KCNC2: variants seen among roughly 807,000 people sequenced by gnomAD.
The protein encoded by KCNC2 is voltage-gated potassium channel KCNC2.
Under a neutral mutation model 44.5 loss-of-function variants are expected in KCNC2, and 21 were observed. The observed-to-expected ratio is 0.47, with a 90% CI of 0.33 to 0.68. The LOEUF is 0.68. Among genes scored for constraint, KCNC2 ranks in the 30% least tolerant of loss-of-function variants. KCNC2 has a pLI of 0.01. For synonymous variants in KCNC2, 391 were observed against 339.1 expected, an observed-to-expected ratio of 1.15 and a Z score of -1.68; for missense variants, 589 against 826.2, an observed-to-expected ratio of 0.71 and a Z score of 3.52.
chr12:75,200,130 G>A (rs1242012218), intron 2 of KCNC2, among the ~76,000 whole-genome samples: 2 of 151,750 alleles, frequency 1.3e-5, no homozygotes, highest in Non-Finnish European at 3.0e-5. Context: ...GACATGGAAG[G>A]GATCAGAGCC....
In KCNC2 at chr12:75,207,998, C is replaced by A. The variant is rs750235705; in HGVS notation, c.-15G>T. 1 of 1,611,694 alleles carries A rather than the reference C, an allele frequency of 6.2e-7. No homozygotes were observed. Among genetic ancestry groups the A allele is most frequent in the Non-Finnish European group, 8.5e-7 (1 of 1,179,586 alleles). On this transcript the variant is annotated 5_prime_UTR_variant, in exon 2 of 5. An upstream start codon of the reference 5' UTR is lost. Transcript: ENST00000549446. The surrounding 1 kb of genome is among the most constrained non-coding windows in gnomAD (Gnocchi z 4.1). ...ATCTTGCCCATCTCTGTGACTCAGA[C>A]ATGACTAGGGGGAGGCAAACACAGC...
At chr12:75,076,427 C>T (rs1225468381) in intron 2 of KCNC2, among the ~76,000 whole-genome samples, 1 of 152,138 alleles carries the variant, frequency 6.6e-6, no homozygotes, top group Admixed American at 6.5e-5. Context: ...CGCCCGCTAC[C>T]ACGCCCGGCT....
In KCNC2 at chr12:75,048,283, C is replaced by A. The variant is rs200919813; in HGVS notation, c.1650G>T (p.Pro550=). The A allele has an allele frequency of 5.0e-6, 8 of 1,612,462 alleles. No homozygotes were observed. In the South Asian group the frequency reaches 6.6e-5, roughly 13 times the overall value. ...LSGDDSTGSE[P]PLSPPERLPI... ...GGAGCCTTTCTGGGGGTGATAGTGG[C>A]GGCTCACTTCCTGTACTGTCGTCAC... is the stretch of plus-strand genomic sequence containing the variant. The change falls in exon 4 of 5, where the codon CCG becomes CCT. Residue 550 remains proline (P), a synonymous_variant. Coordinates refer to ENST00000549446, the MANE Select transcript of KCNC2 (RefSeq NM_139137.4).
intron 2 of KCNC2, among the ~76,000 whole-genome samples, chr12:75,171,260 AC>A (rs1265372036): frequency 3.3e-4 from 50 of 151,764 alleles, no homozygotes; most frequent in African/African-American, 1.1e-3. Context: ...AGGTAATGTA[AC>A]CTAATTACAG....
intron 2 of KCNC2, among the ~76,000 whole-genome samples, chr12:75,069,510 G>A (rs535341284): frequency 1.2e-4 from 18 of 152,026 alleles, no homozygotes; most frequent in South Asian, 2.1e-4. Context: ...GATTCATTCC[G>A]GCAGACTAAG....
intron 2 of KCNC2, among the ~76,000 whole-genome samples, chr12:75,101,893 T>A (rs962469238): frequency 6.6e-6 from 1 of 151,952 alleles, no homozygotes; most frequent in Non-Finnish European, 1.5e-5. Flanking sequence ...TACATTTAGA[T>A]CACCAAATCA....
intron 2 of KCNC2, among the ~76,000 whole-genome samples, chr12:75,095,357 C>T (rs2137151525): frequency 6.6e-6 from 1 of 151,790 alleles, no homozygotes; most frequent in East Asian, 1.9e-4. Context: ...TAATCTCCCA[C>T]TGTTGCTGTC....
intron 2 of KCNC2, among the ~76,000 whole-genome samples, chr12:75,072,388 A>T (rs1282548761): frequency 3.9e-5 from 6 of 151,948 alleles, no homozygotes; most frequent in African/African-American, 1.5e-4. Flanking sequence ...AAGGAAATTT[A>T]AAAAAAATAC....
intron 2 of KCNC2, among the ~76,000 whole-genome samples, chr12:75,099,327 T>A (rs2137170189): frequency 6.6e-6 from 1 of 152,260 alleles, no homozygotes; most frequent in South Asian, 2.1e-4. Context: ...TGGAGTTGAA[T>A]TTAGTTCACA....
intron 2 of KCNC2, among the ~76,000 whole-genome samples, chr12:75,068,262 G>A (rs10879881): frequency 6.6e-6 from 1 of 152,000 alleles, no homozygotes; most frequent in Non-Finnish European, 1.5e-5. Context: ...GTATCCAAGG[G>A]CTATTTTAAG....
At chr12:75,125,019 T>A (rs890316193) in intron 2 of KCNC2, 1 of 152,032 alleles carries the variant, frequency 6.6e-6, no homozygotes, top group Non-Finnish European at 1.5e-5. Flanking sequence ...AGCAGGAGAA[T>A]GGCGTGAACC....
intron 2 of KCNC2, among the ~76,000 whole-genome samples, chr12:75,144,664 C>A (rs1303939747): frequency 6.6e-6 from 1 of 151,606 alleles, no homozygotes; most frequent in Non-Finnish European, 1.5e-5. Context: ...GTACAACACA[C>A]CAAAAACACA....
intron 2 of KCNC2, among the ~76,000 whole-genome samples, chr12:75,181,230 A>C (rs1326159770): frequency 1.3e-5 from 2 of 152,166 alleles, no homozygotes; most frequent in African/African-American, 4.8e-5. Context: ...AAAGGAAAAA[A>C]AACAGTAATT....
At chr12:75,083,646 TATC>T (rs1164828053) in intron 2 of KCNC2, among the ~76,000 whole-genome samples, 1 of 151,954 alleles carries the variant, frequency 6.6e-6, no homozygotes, top group African/African-American at 2.4e-5. Context: ...AATCTGATGA[TATC>T]ATAAAATCTA....
intron 2 of KCNC2, among the ~76,000 whole-genome samples, chr12:75,198,346 T>C (rs1200179175): frequency 2.6e-5 from 4 of 151,976 alleles, no homozygotes; most frequent in African/African-American, 9.6e-5. Flanking sequence ...TATAAAGTTA[T>C]AATATATTTA....
rs538143611 is a variant in KCNC2 at position 75,182,455 on chromosome 12, G to A, written c.687+24842C>T. ...GGAGAATGGCGTGAACCTGGGAGGC[G>A]GAGCTTAGTGAGCCCAGATCGCGCC... On this transcript the variant is annotated intron_variant, in intron 2 of 4. Transcript: ENST00000549446. Among the ~76,000 whole-genome samples the A allele has an allele frequency of 1.7e-4, 25 of 149,652 alleles. 1 individual carries two copies. In the South Asian group the frequency reaches 4.9e-3, roughly 29 times the overall value.
At chr12:75,172,473 C>A (rs1891896921) in intron 2 of KCNC2, among the ~76,000 whole-genome samples, 1 of 151,670 alleles carries the variant, frequency 6.6e-6, no homozygotes, top group Non-Finnish European at 1.5e-5. Context: ...CACATGTAAC[C>A]CTCAACTTAA....
intron 2 of KCNC2, among the ~76,000 whole-genome samples, chr12:75,069,127 A>ATATTTTTTTTTTTT (rs1231157819): frequency 2.9e-5 from 1 of 33,900 alleles, no homozygotes; most frequent in Non-Finnish European, 6.4e-5. Flanking sequence ...ATTTTATATA[A>ATATTTTTTTTTTTT]TCTTTTTTTT....
chr12:75,145,063 T>G (rs979944703), intron 2 of KCNC2, among the ~76,000 whole-genome samples: 1 of 152,156 alleles, frequency 6.6e-6, no homozygotes, highest in Admixed American at 6.6e-5. Flanking sequence ...ACTGGAAAAA[T>G]TACTGAGCCA....
Sources: allele counts gnomAD v4.1 joint callset (sites outside exome capture counted in the v4.1 genomes callset), GRCh38; gene constraint gnomAD v4.1.1; non-coding constraint Gnocchi (gnomAD v3.1); transcripts MANE v1.5; gene names NCBI Gene and HGNC (gene_info 2026-07-23, HGNC 2026-07-21).